The following ENOX1 variants were observed in gnomAD, a reference collection of about 807,000 sequenced individuals.
ENOX1 encodes candidate growth-related and time keeping constitutive hydroquinone (NADH) oxidase.
Under a neutral mutation model 82.5 loss-of-function variants are expected in ENOX1, and 42 were observed. That is an observed-to-expected ratio of 0.51 (90% CI 0.40 to 0.66). ENOX1 has a LOEUF of 0.66. ENOX1 is among the 30% of genes least tolerant of loss of function. The pLI is 0.00. For missense variants in ENOX1, 608 were observed against 811.6 expected (o/e 0.75, Z 3.05); for synonymous variants, 271 against 282.2 (o/e 0.96, Z 0.40).
At chr13:43,745,452 T>G (rs994057077) in intron 1 of ENOX1, among the ~76,000 whole-genome samples, 7 of 152,206 alleles carry the variant, frequency 4.6e-5, no homozygotes, top group African/African-American at 1.4e-4. Flanking sequence ...AACGTTAGAA[T>G]TGTGGACATA....
intron 12 of ENOX1, among the ~76,000 whole-genome samples, chr13:43,290,290 T>A (rs988278757): frequency 2.0e-5 from 3 of 152,122 alleles, no homozygotes; most frequent in South Asian, 2.1e-4. Flanking sequence ...TTCATTGCTA[T>A]GCTATTCACA....
chr13:43,465,321 C>T lies in ENOX1; in HGVS notation c.-75+18688G>A, dbSNP rs761895537. ...AACTCAGACATTTATTTTATACTTT[C>T]GGTTATAATCAAATACCATGTTATT... On this transcript the variant is annotated intron_variant, in intron 3 of 16. Coordinates refer to ENST00000690772, the MANE Select transcript of ENOX1 (RefSeq NM_001347969.2). Among the ~76,000 whole-genome samples the T allele has an allele frequency of 8.1e-4, 123 of 152,166 alleles. 1 individual carries two copies. The highest frequency in any genetic ancestry group is 2.3e-3 in the African/African-American group (97 of 41,444).
chr13:43,455,815 G>A (rs774537967), intron 3 of ENOX1, among the ~76,000 whole-genome samples: 5 of 151,892 alleles, frequency 3.3e-5, no homozygotes, highest in East Asian at 1.9e-4. Flanking sequence ...GGGAAACCCC[G>A]TTTGCTTGCT....
chr13:43,355,030 T>C (rs1250236930), intron 8 of ENOX1, among the ~76,000 whole-genome samples: 1 of 152,236 alleles, frequency 6.6e-6, no homozygotes, highest in Non-Finnish European at 1.5e-5. Context: ...GTTAATTGTT[T>C]ATCTGTAGAC....
At chr13:43,622,632 C>T (rs141685121) in intron 2 of ENOX1, among the ~76,000 whole-genome samples, 229 of 152,216 alleles carry the variant, frequency 1.5e-3, no homozygotes, top group African/African-American at 5.3e-3. Flanking sequence ...ATACCAGTGC[C>T]TGTTCTGGTG....
intron 3 of ENOX1, among the ~76,000 whole-genome samples, chr13:43,433,377 TGACCCAAACACCTCCTATTA>T (rs1453134599): frequency 6.6e-6 from 1 of 152,162 alleles, no homozygotes; most frequent in Non-Finnish European, 1.5e-5. Flanking sequence ...TCTAATCCCA[TGACCCAAACACCTCCTATTA>T]GACCCACCTC....
chr13:43,328,712 A>G (rs1040599086), intron 9 of ENOX1, among the ~76,000 whole-genome samples: 1 of 152,200 alleles, frequency 6.6e-6, no homozygotes, highest in Non-Finnish European at 1.5e-5. Flanking sequence ...GGGTAAAAGG[A>G]GATCCCCTAA....
chr13:43,619,014 T>G (rs1594127577), intron 2 of ENOX1, among the ~76,000 whole-genome samples: 2 of 138,688 alleles, frequency 1.4e-5, no homozygotes, highest in Admixed American at 7.5e-5. Flanking sequence ...ATTGTAAAAG[T>G]GGTTGAGTTC....
chr13:43,572,245 T>C (rs1039258711), intron 2 of ENOX1, among the ~76,000 whole-genome samples: 3 of 152,146 alleles, frequency 2.0e-5, no homozygotes, highest in African/African-American at 7.2e-5. Flanking sequence ...ATTTTGTACC[T>C]TTGCACCTAA....
chr13:43,513,092 T>C (rs1470699072), intron 2 of ENOX1, among the ~76,000 whole-genome samples: 1 of 152,050 alleles, frequency 6.6e-6, no homozygotes, highest in Non-Finnish European at 1.5e-5. Context: ...GCAGATCACA[T>C]AAGGCCAGGA....
chr13:43,253,614 T>C (rs1305328436), intron 14 of ENOX1, among the ~76,000 whole-genome samples: 1 of 152,192 alleles, frequency 6.6e-6, no homozygotes, highest in Non-Finnish European at 1.5e-5. Context: ...CGAAAATCAC[T>C]ATGGAATATT....
At chr13:43,466,367 T>G (rs2057718905) in intron 3 of ENOX1, among the ~76,000 whole-genome samples, 1 of 152,116 alleles carries the variant, frequency 6.6e-6, no homozygotes, top group Admixed American at 6.6e-5. Flanking sequence ...CAGTGAAAAT[T>G]ATACTTGATT....
chr13:43,264,464 T>G (rs1011947833), intron 14 of ENOX1, among the ~76,000 whole-genome samples: 1 of 152,228 alleles, frequency 6.6e-6, no homozygotes, highest in Admixed American at 6.5e-5. Flanking sequence ...TCAATAAACA[T>G]CATATGTTAA....
At chr13:43,234,749 C>T (rs2042442349) in intron 15 of ENOX1, among the ~76,000 whole-genome samples, 1 of 152,116 alleles carries the variant, frequency 6.6e-6, no homozygotes, top group South Asian at 2.1e-4. Context: ...CTACCTACTC[C>T]CATTAATGTA....
intron 3 of ENOX1, among the ~76,000 whole-genome samples, chr13:43,432,786 T>G (rs1383100562): frequency 6.6e-6 from 1 of 152,244 alleles, no homozygotes. Context: ...TGCTTTCTAC[T>G]TTCGCCCTTT....
intron 1 of ENOX1, among the ~76,000 whole-genome samples, chr13:43,714,359 G>T (rs1354348017): frequency 6.6e-6 from 1 of 152,190 alleles, no homozygotes; most frequent in Non-Finnish European, 1.5e-5. Context: ...TGGAATAGAT[G>T]TGGTGTGGTG....
chr13:43,765,871 A>G (rs1026283658), intron 1 of ENOX1, among the ~76,000 whole-genome samples: 8 of 152,236 alleles, frequency 5.3e-5, no homozygotes. Flanking sequence ...AAGTCATAAC[A>G]TACAAATAGA....
intron 2 of ENOX1, among the ~76,000 whole-genome samples, chr13:43,661,556 T>A (rs542778262): frequency 6.6e-6 from 1 of 152,184 alleles, no homozygotes; most frequent in Non-Finnish European, 1.5e-5. Flanking sequence ...TTTCAAAAAA[T>A]GTAATCTGCC....
chr13:43,344,425 G>A, intron 9 of ENOX1, 113 bp downstream of exon 9: 1 of 841,672 alleles, frequency 1.2e-6, no homozygotes, highest in Non-Finnish European at 1.9e-6. Flanking sequence ...CATTCAATAT[G>A]GAGTAAAAAT....
Sources: gnomAD v4.1 joint callset for allele counts (sites outside exome capture counted in the v4.1 genomes callset) on GRCh38, gnomAD v4.1.1 for gene constraint, MANE v1.5 for transcripts, NCBI Gene and HGNC (gene_info 2026-07-23, HGNC 2026-07-21) for gene names.